The following FLI1 variants were observed in gnomAD, a reference collection of about 807,000 sequenced individuals.
The protein encoded by FLI1 is Friend leukemia integration 1 transcription factor.
Under a neutral mutation model 53.1 loss-of-function variants are expected in FLI1, and 13 were observed. The ratio of observed to expected loss-of-function variants is 0.24; its 90% confidence interval spans 0.16 to 0.39. The LOEUF (loss-of-function observed/expected upper bound fraction) is 0.39, where lower values mean the gene tolerates loss of function less well. Among genes scored for constraint, FLI1 ranks in the 10% least tolerant of loss-of-function variants. FLI1 has a pLI of 1.00. For synonymous variants in FLI1, 244 were observed against 236.7 expected (o/e 1.03, Z -0.28); for missense variants, 424 against 600.5 (o/e 0.71, Z 3.07).
intron 1 of FLI1, among the ~76,000 whole-genome samples, chr11:128,744,746 T>C (rs1167052111): frequency 1.3e-5 from 2 of 152,198 alleles, no homozygotes; most frequent in Non-Finnish European, 2.9e-5. Context: ...ACTCAGCTAG[T>C]AAGTGGCAAT....
At chr11:128,749,842 A>T (rs973195305) in intron 1 of FLI1, among the ~76,000 whole-genome samples, 2 of 152,098 alleles carry the variant, frequency 1.3e-5, no homozygotes, top group African/African-American at 4.8e-5. Flanking sequence ...GGAGCAAGAA[A>T]TGCGCACATG....
upstream of FLI1, among the ~76,000 whole-genome samples, chr11:128,690,572 G>A (rs533717196): frequency 6.6e-6 from 1 of 152,382 alleles, no homozygotes; most frequent in East Asian, 1.9e-4. Context: ...CCTCCCGGGG[G>A]AAGCAGGACT....
intron 1 of FLI1, chr11:128,686,998 G>A (rs1196842161): frequency 6.3e-6 from 1 of 159,938 alleles, no homozygotes; most frequent in Non-Finnish European, 1.4e-5. Flanking sequence ...AGGTCCCAAC[G>A]GGTGGGGTGC....
chr11:128,765,646 G>A (rs866918377), intron 2 of FLI1, among the ~76,000 whole-genome samples: 1 of 152,072 alleles, frequency 6.6e-6, no homozygotes, highest in Non-Finnish European at 1.5e-5. Flanking sequence ...CACAGAGGCC[G>A]CCTGCCAATG....
chr11:128,722,152 G>A (rs1939280639), intron 1 of FLI1, among the ~76,000 whole-genome samples: 1 of 152,172 alleles, frequency 6.6e-6, no homozygotes, highest in South Asian at 2.1e-4. Flanking sequence ...ATGTAAAAAT[G>A]TAAAAGTTAC....
Position 128,811,493 on chromosome 11 carries a change from G to A in FLI1, c.*505G>A. The A allele has an allele frequency of 4.3e-6, 1 of 233,010 alleles. No individual in the cohort carries two copies. Among genetic ancestry groups the A allele is most frequent in the Non-Finnish European group, 8.4e-6 (1 of 118,898 alleles). 14.4% of individuals were successfully genotyped at this position (233,010 alleles called of 1,614,324 possible). On this transcript the variant is annotated 3_prime_UTR_variant, in exon 9 of 9. Coordinates refer to ENST00000527786, the MANE Select transcript of FLI1 (RefSeq NM_002017.5). ...ATGGCAACTGGAACATTGATTGTAA[G>A]GCCAGTGAAGTTTTCACCCAACTGG... is the stretch of plus-strand genomic sequence containing the variant.
At chr11:128,772,582 C>G (rs895805729) in intron 3 of FLI1, among the ~76,000 whole-genome samples, 200 bp from the exon 4 acceptor site, 2 of 152,188 alleles carry the variant, frequency 1.3e-5, no homozygotes, top group Non-Finnish European at 2.9e-5. Context: ...TAAGCACCTC[C>G]CTGGAGTGCT....
intron 4 of FLI1, among the ~76,000 whole-genome samples, chr11:128,775,733 T>C (rs570736067): frequency 3.9e-5 from 6 of 152,356 alleles, no homozygotes; most frequent in Non-Finnish European, 7.3e-5. Flanking sequence ...TTTGAGGCGA[T>C]GAGTCAAGGC....
chr11:128,765,420 A>G (rs1941297889), intron 2 of FLI1, among the ~76,000 whole-genome samples: 1 of 152,162 alleles, frequency 6.6e-6, no homozygotes, highest in Non-Finnish European at 1.5e-5. Context: ...TAACTCAGAA[A>G]TCCCCAGGGG....
chr11:128,714,656 T>G (rs1253861849), intron 1 of FLI1, among the ~76,000 whole-genome samples: 3 of 151,028 alleles, frequency 2.0e-5, no homozygotes, highest in Non-Finnish European at 4.4e-5. Flanking sequence ...ATGATGATGA[T>G]GGTTACTGAG....
At chr11:128,731,413 C>T (rs1469985760) in intron 1 of FLI1, among the ~76,000 whole-genome samples, 2 of 151,574 alleles carry the variant, frequency 1.3e-5, no homozygotes, top group Non-Finnish European at 1.5e-5. Flanking sequence ...ACGGTCTGCT[C>T]GTGTAACTTT....
chr11:128,696,706 C>G (rs1365565095), intron 1 of FLI1, among the ~76,000 whole-genome samples: 2 of 152,162 alleles, frequency 1.3e-5, no homozygotes, highest in East Asian at 3.9e-4. Flanking sequence ...TACACAAATC[C>G]AGGGTGTCCA....
chr11:128,741,241 A>T (rs1196135785), intron 1 of FLI1, among the ~76,000 whole-genome samples: 1 of 152,028 alleles, frequency 6.6e-6, no homozygotes, highest in Non-Finnish European at 1.5e-5. Context: ...TAAAATACAA[A>T]AATTAGCCAG....
At chr11:128,772,707 GAGGGAGGCTGCCTAGGCTCTC>G (rs1323155937) in intron 3 of FLI1, 54 bp from the exon 4 acceptor site, 1 of 1,154,220 alleles carries the variant, frequency 8.7e-7, no homozygotes, top group Non-Finnish European at 1.3e-6. Context: ...GACAAGGGGT[GAGGGAGGCTGCCTAGGCTCTC>G]AGGGAGCCTC....
At chr11:128,756,255 G>A (rs1490965139) in intron 1 of FLI1, among the ~76,000 whole-genome samples, 1 of 152,180 alleles carries the variant, frequency 6.6e-6, no homozygotes, top group Non-Finnish European at 1.5e-5. Flanking sequence ...AGATCAGGGT[G>A]CCAGCAGGGT....
chr11:128,804,402 A>G (rs943091524), intron 5 of FLI1: 1 of 152,216 alleles, frequency 6.6e-6, no homozygotes, highest in Non-Finnish European at 1.5e-5. Context: ...CAATGTCTCA[A>G]TGGGACTCAT....
chr11:128,724,956 C>T (rs615716), intron 1 of FLI1, among the ~76,000 whole-genome samples: 125,065 of 152,188 alleles, frequency 0.82, 51,929 homozygotes, highest in East Asian at 0.96. Flanking sequence ...AGCAAAGAGA[C>T]GGCATAAAAG....
intron 4 of FLI1, 116 bp downstream of exon 4, chr11:128,773,101 G>A: frequency 1.1e-6 from 1 of 938,170 alleles, no homozygotes; most frequent in Non-Finnish European, 1.7e-6. Flanking sequence ...GCAGCATCGT[G>A]GGGCCTGTAG....
At chr11:128,750,142 G>A (rs1241735415) in intron 1 of FLI1, among the ~76,000 whole-genome samples, 1 of 152,238 alleles carries the variant, frequency 6.6e-6, no homozygotes, top group East Asian at 1.9e-4. Context: ...TAATGGATAT[G>A]CCAGAGATTA....
Sources: allele counts gnomAD v4.1 joint callset (sites outside exome capture counted in the v4.1 genomes callset), GRCh38; gene constraint gnomAD v4.1.1; transcripts MANE v1.5; gene names NCBI Gene and HGNC (gene_info 2026-07-23, HGNC 2026-07-21).